CEP112: variants seen among roughly 807,000 people sequenced by gnomAD.
CEP112 encodes the protein centrosomal protein 112.
Under a neutral mutation model 153.0 loss-of-function variants are expected in CEP112, and 127 were observed. That is an observed-to-expected ratio of 0.83 (90% confidence interval 0.72 to 0.96). The LOEUF (loss-of-function observed/expected upper bound fraction) is 0.96. CEP112 is among the 40% of genes least tolerant of loss of function. CEP112 has a pLI of 0.00. For synonymous variants in CEP112, 358 were observed against 374.4 expected, an observed-to-expected ratio of 0.96 and a Z score of 0.51; for missense variants, 1,089 against 1,101.2, an observed-to-expected ratio of 0.99 and a Z score of 0.16.
intron 21 of CEP112, 89 bp from the exon 22 acceptor site, chr17:65,750,813 C>A: frequency 7.7e-6 from 9 of 1,166,780 alleles, no homozygotes; most frequent in South Asian, 1.2e-5. Context: ...GCTGGGATGC[C>A]TGCCAGCTGC....
At chr17:65,799,816 TCA>T (rs754138268) in intron 21 of CEP112, among the ~76,000 whole-genome samples, 26 of 152,154 alleles carry the variant, frequency 1.7e-4, no homozygotes, top group Non-Finnish European at 3.2e-4. Flanking sequence ...CTACCATTGC[TCA>T]CACACACACT....
intron 6 of CEP112, among the ~76,000 whole-genome samples, chr17:66,126,627 T>C (rs1410269038): frequency 6.6e-6 from 1 of 152,174 alleles, no homozygotes; most frequent in Non-Finnish European, 1.5e-5. Flanking sequence ...AAAAATATCA[T>C]TGCTAGTTTT....
intron 20 of CEP112, among the ~76,000 whole-genome samples, chr17:65,866,806 C>T (rs113749613): frequency 2.9e-4 from 44 of 151,118 alleles, no homozygotes; most frequent in Middle Eastern, 3.4e-3. Context: ...ACCCTGGCTA[C>T]GGAGAGGAGC....
At chr17:66,180,208 CTT>C (rs1469295161) in intron 2 of CEP112, among the ~76,000 whole-genome samples, 2 of 152,046 alleles carry the variant, frequency 1.3e-5, no homozygotes, top group Admixed American at 6.6e-5. Flanking sequence ...CGCAGAATGA[CTT>C]TGAAAATATT....
intron 21 of CEP112, among the ~76,000 whole-genome samples, chr17:65,768,870 G>T (rs2053167773): frequency 6.6e-6 from 1 of 152,088 alleles, no homozygotes; most frequent in Non-Finnish European, 1.5e-5. Context: ...CTAAGATCTG[G>T]TATAAGGTAA....
chr17:66,078,719 C>T (rs1045404310), intron 8 of CEP112, among the ~76,000 whole-genome samples: 12 of 151,518 alleles, frequency 7.9e-5, no homozygotes, highest in African/African-American at 2.9e-4. Flanking sequence ...TTTACAGGTC[C>T]TGTGTGATTT....
chr17:65,754,274 A>G (rs973265598), intron 21 of CEP112, among the ~76,000 whole-genome samples: 9 of 152,236 alleles, frequency 5.9e-5, no homozygotes, highest in African/African-American at 2.2e-4. Context: ...GGAAGAACCC[A>G]TGCAAAGGCC....
At chr17:65,830,272 TG>T (rs962126966) in intron 21 of CEP112, among the ~76,000 whole-genome samples, 1 of 152,186 alleles carries the variant, frequency 6.6e-6, no homozygotes, top group Non-Finnish European at 1.5e-5. Context: ...AGAAACTCCC[TG>T]GGCCCCCAGA....
chr17:66,136,067 AC>A (rs954280917), intron 4 of CEP112, among the ~76,000 whole-genome samples: 5 of 152,138 alleles, frequency 3.3e-5, no homozygotes, highest in African/African-American at 9.7e-5. Context: ...CAAGCATGAA[AC>A]CAACCACACT....
chr17:65,746,165 C>CAAAAAAAAAAAAAAAAAAAAA (rs56361589), intron 22 of CEP112, among the ~76,000 whole-genome samples: 69 of 49,404 alleles, frequency 1.4e-3, no homozygotes, highest in East Asian at 6.8e-3. Context: ...AACTCCATCT[C>CAAAAAAAAAAAAAAAAAAAAA]AAAAAAAAAA....
chr17:65,677,134 C>A (rs979724609), intron 24 of CEP112, among the ~76,000 whole-genome samples: 3 of 152,130 alleles, frequency 2.0e-5, no homozygotes, highest in Non-Finnish European at 4.4e-5. Flanking sequence ...TGGCTGTCAG[C>A]GTGCTCTTTA....
chr17:66,170,281 A>C lies in CEP112; in HGVS notation c.470+4763T>G, dbSNP rs560089442. 2.7e-4 allele frequency among the ~76,000 whole-genome samples: 41 copies of C among 152,328 alleles called. 1 individual carries two copies. Among genetic ancestry groups the C allele is most frequent in the Admixed American group, 1.2e-3 (19 of 15,298 alleles). ...CAACAAGACAATTAAGGTCTTTATCAGACCTCCATGGTAAGTATCTGAAGG... is the reference window on the plus strand; with the variant it reads ...CAACAAGACAATTAAGGTCTTTATCCGACCTCCATGGTAAGTATCTGAAGG... On this transcript the variant is annotated intron_variant, in intron 4 of 26. Coordinates refer to ENST00000535342, the MANE Select transcript of CEP112 (RefSeq NM_001199165.4).
At chr17:65,992,827 C>T (rs1042013574) in intron 17 of CEP112, among the ~76,000 whole-genome samples, 10 of 152,204 alleles carry the variant, frequency 6.6e-5, no homozygotes, top group Non-Finnish European at 1.3e-4. Flanking sequence ...AAATCCCATA[C>T]AAGACCAATT....
At chr17:65,988,981 T>C (rs2063496035) in intron 17 of CEP112, among the ~76,000 whole-genome samples, 1 of 151,830 alleles carries the variant, frequency 6.6e-6, no homozygotes, top group Admixed American at 6.6e-5. Context: ...TCCCAGCACT[T>C]TGGGACGCTG....
chr17:66,185,013 T>C (rs1324874784), intron 1 of CEP112, among the ~76,000 whole-genome samples: 1 of 152,126 alleles, frequency 6.6e-6, no homozygotes, highest in East Asian at 1.9e-4. Flanking sequence ...TTGTGTGACA[T>C]TCTAGAAAAG....
intron 21 of CEP112, among the ~76,000 whole-genome samples, chr17:65,772,595 C>A (rs893944240): frequency 8.5e-6 from 1 of 117,896 alleles, no homozygotes; most frequent in Admixed American, 8.8e-5. Context: ...CACACACACA[C>A]ACACACACAC....
intron 18 of CEP112, among the ~76,000 whole-genome samples, chr17:65,958,874 C>T (rs1313831892): frequency 6.6e-6 from 1 of 152,164 alleles, no homozygotes; most frequent in South Asian, 2.1e-4. Context: ...TCCCCATGGC[C>T]ACCCATGGAC....
At chr17:66,073,442 C>T (rs1387969488) in intron 8 of CEP112, among the ~76,000 whole-genome samples, 1 of 152,210 alleles carries the variant, frequency 6.6e-6, no homozygotes, top group African/African-American at 2.4e-5. Context: ...CCCTGTCACT[C>T]CTCAACCACA....
chr17:66,069,239 ATC>A (rs2067225405), intron 9 of CEP112, among the ~76,000 whole-genome samples: 1 of 152,030 alleles, frequency 6.6e-6, no homozygotes, highest in Non-Finnish European at 1.5e-5. Context: ...TTCCATTTGG[ATC>A]AACCTCCATG....
Sources: gnomAD v4.1 joint callset for allele counts (sites outside exome capture counted in the v4.1 genomes callset) on GRCh38, gnomAD v4.1.1 for gene constraint, MANE v1.5 for transcripts, NCBI Gene and HGNC (gene_info 2026-07-23, HGNC 2026-07-21) for gene names.